The following PABPC4L variants were observed in gnomAD, a reference collection of about 807,000 sequenced individuals.
The protein encoded by PABPC4L is polyadenylate-binding protein 4-like.
For synonymous variants in PABPC4L, 169 were observed against 164.1 expected, an observed-to-expected ratio of 1.03 and a Z score of -0.23; for missense variants, 452 against 451.4, an observed-to-expected ratio of 1.00 and a Z score of -0.01.
At chr4:134,089,515 T>TA in the PABPC4L span, among the ~76,000 whole-genome samples, 1 of 152,156 alleles carries the variant, frequency 6.6e-6, no homozygotes, top group Non-Finnish European at 1.5e-5. Flanking sequence ...GAGTAGTTTT[T>TA]ACAGTATACA....
chr4:133,978,079 T>C, the PABPC4L span: 1 of 152,276 alleles, frequency 6.6e-6, no homozygotes, highest in Non-Finnish European at 1.5e-5. Context: ...ATTTTTTAAA[T>C]CACAGTATGT....
the PABPC4L span, among the ~76,000 whole-genome samples, chr4:133,958,006 T>G: frequency 6.6e-6 from 1 of 152,208 alleles, no homozygotes; most frequent in East Asian, 1.9e-4. Flanking sequence ...TCTGACGCCC[T>G]GCAGACATTT....
At chr4:134,031,499 G>A in the PABPC4L span, among the ~76,000 whole-genome samples, 36 of 151,924 alleles carry the variant, frequency 2.4e-4, no homozygotes, top group African/African-American at 8.4e-4. Context: ...TGAGACTCTT[G>A]TGGCTCTGAC....
At chr4:134,087,255 A>T in the PABPC4L span, among the ~76,000 whole-genome samples, 6 of 152,204 alleles carry the variant, frequency 3.9e-5, no homozygotes, top group African/African-American at 9.6e-5. Flanking sequence ...CAGCCATAAA[A>T]AATGATGAGT....
At chr4:134,029,234 C>T in the PABPC4L span, among the ~76,000 whole-genome samples, 7 of 152,142 alleles carry the variant, frequency 4.6e-5, no homozygotes, top group Non-Finnish European at 8.8e-5. Flanking sequence ...TCCGGGAGGA[C>T]GACCTTTACT....
chr4:134,027,152 C>G, the PABPC4L span, among the ~76,000 whole-genome samples: 2 of 152,164 alleles, frequency 1.3e-5, no homozygotes, highest in Non-Finnish European at 2.9e-5. Flanking sequence ...TGCATTACTT[C>G]TCTGAGTAGA....
the PABPC4L span, among the ~76,000 whole-genome samples, chr4:133,975,473 T>C: frequency 2.6e-5 from 4 of 152,138 alleles, no homozygotes; most frequent in Non-Finnish European, 5.9e-5. Context: ...AAAAGGGTGA[T>C]TTTTATATTA....
At chr4:134,185,488 C>G in the PABPC4L span, among the ~76,000 whole-genome samples, 1 of 152,050 alleles carries the variant, frequency 6.6e-6, no homozygotes, top group Non-Finnish European at 1.5e-5. Context: ...AATTCAACAG[C>G]CTTCATGCTA....
At chr4:134,007,521 A>G in the PABPC4L span, among the ~76,000 whole-genome samples, 1 of 151,626 alleles carries the variant, frequency 6.6e-6, no homozygotes, top group Non-Finnish European at 1.5e-5. Flanking sequence ...TCAAGTTGCT[A>G]TTACCTTAGT....
the PABPC4L span, among the ~76,000 whole-genome samples, chr4:134,067,501 T>C: frequency 1.2e-4 from 18 of 152,082 alleles, no homozygotes; most frequent in Non-Finnish European, 1.6e-4. Flanking sequence ...TTAATTTTTA[T>C]ATGGTTTTCC....
At chr4:133,953,812 C>T in the PABPC4L span, among the ~76,000 whole-genome samples, 2 of 152,318 alleles carry the variant, frequency 1.3e-5, no homozygotes, top group East Asian at 1.9e-4. Flanking sequence ...AATCATTCCC[C>T]TCTCTTCCCC....
chr4:133,980,023 G>A, the PABPC4L span, among the ~76,000 whole-genome samples: 2 of 151,992 alleles, frequency 1.3e-5, no homozygotes, highest in African/African-American at 4.8e-5. Flanking sequence ...CCTGTTTATA[G>A]TGCTTAGGAT....
At chr4:133,962,236 C>G in the PABPC4L span, among the ~76,000 whole-genome samples, 3 of 152,038 alleles carry the variant, frequency 2.0e-5, no homozygotes, top group Admixed American at 6.6e-5. Flanking sequence ...TTAACACAAC[C>G]AAAAAATCAC....
the PABPC4L span, among the ~76,000 whole-genome samples, chr4:133,971,476 G>A: frequency 6.6e-6 from 1 of 152,026 alleles, no homozygotes; most frequent in South Asian, 2.1e-4. Flanking sequence ...CTCACACCTG[G>A]ACTGCCACAT....
At chr4:134,141,238 C>T in the PABPC4L span, among the ~76,000 whole-genome samples, 3,408 of 151,462 alleles carry the variant, frequency 0.023, 130 homozygotes, top group African/African-American at 0.078. Flanking sequence ...TACCACCACC[C>T]CTGTGGACAG....
the PABPC4L span, among the ~76,000 whole-genome samples, chr4:134,000,452 T>A: frequency 6.6e-6 from 1 of 152,168 alleles, no homozygotes; most frequent in African/African-American, 2.4e-5. Flanking sequence ...TCATATTCCC[T>A]GAGTGGTTTT....
At chr4:134,023,351 C>T in the PABPC4L span, among the ~76,000 whole-genome samples, 5 of 152,044 alleles carry the variant, frequency 3.3e-5, no homozygotes, top group East Asian at 3.9e-4. Context: ...ACTTTCAGTG[C>T]GATTGTTGTG....
chr4:133,974,795 G>A, the PABPC4L span, among the ~76,000 whole-genome samples: 1 of 151,986 alleles, frequency 6.6e-6, no homozygotes, highest in African/African-American at 2.4e-5. Context: ...AGAACCATGA[G>A]ATACCACTCG....
chr4:134,186,827 A>T, the PABPC4L span, among the ~76,000 whole-genome samples: 8 of 152,174 alleles, frequency 5.3e-5, no homozygotes, highest in Admixed American at 5.2e-4. Flanking sequence ...ATCTACAAAG[A>T]ACTTAAACAA....
Sources: gnomAD v4.1 joint callset for allele counts (sites outside exome capture counted in the v4.1 genomes callset) on GRCh38, gnomAD v4.1.1 for gene constraint, MANE v1.5 for transcripts, NCBI Gene and HGNC (gene_info 2026-07-23, HGNC 2026-07-21) for gene names.